Variants in CCDC198 observed in about 807,000 individuals in gnomAD.
CCDC198 encodes the protein coiled-coil domain containing 198, also known as factor associated with metabolism and energy.
In CCDC198, 18 loss-of-function variants were observed where a neutral mutation model predicts 35.6. The observed-to-expected ratio is 0.51, with a 90% CI of 0.35 to 0.75. The LOEUF is 0.75. CCDC198 is among the 30% of genes least tolerant of loss of function. The probability of loss-of-function intolerance (pLI) is 0.01; values close to 1 mark genes in which losing one functional copy is unlikely to be tolerated. For missense variants in CCDC198, 365 were observed against 343.7 expected (o/e 1.06, Z -0.49); for synonymous variants, 119 against 113.4 (o/e 1.05, Z -0.31).
Position 57,469,866 on chromosome 14 carries a change from T to C in CCDC198, c.*1489A>G, listed in dbSNP as rs1373924035. 2 of 152,216 alleles carry C rather than the reference T, an allele frequency of 1.3e-5. No homozygotes were observed. Among genetic ancestry groups the C allele is most frequent in the African/African-American group, 4.8e-5 (2 of 41,458 alleles). The allele number at this position is 152,216 out of a possible 1,614,324, so 9.4% of individuals were successfully genotyped here. On this transcript the variant is annotated 3_prime_UTR_variant, in exon 6 of 6. Coordinates refer to ENST00000216445, the MANE Select transcript of CCDC198 (RefSeq NM_018168.4). The stretch of plus-strand genomic sequence containing the variant: ...TTGAAGTGGTGTTTTCCTCTATTTT[T>C]TTCTGTTTTTGGAGTCTTCCCATAT...
At position 57,470,742 on chromosome 14, in the gene CCDC198, G is replaced by A. The variant is rs911617873; in HGVS notation, c.*613C>T. ...ACCACACTTTGGCACTCATGCCCTT[G>A]TGTAGTCCTCTTCTGCATTAACTCC... On this transcript the variant is annotated 3_prime_UTR_variant, in exon 6 of 6. Transcript: ENST00000216445. The A allele has an allele frequency of 6.6e-6, 1 of 152,324 alleles. No individual in the cohort carries two copies. Among genetic ancestry groups the A allele is most frequent in the African/African-American group, 2.4e-5 (1 of 41,474 alleles). 9.4% of individuals were successfully genotyped at this position (152,324 alleles called of 1,614,324 possible).
At chr14:57,488,155 T>G (rs1193778178) in intron 2 of CCDC198, among the ~76,000 whole-genome samples, 3 of 152,158 alleles carry the variant, frequency 2.0e-5, no homozygotes, top group Non-Finnish European at 4.4e-5. Context: ...TATTTCATTG[T>G]GTACCTGAAG....
chr14:57,471,184 A>G lies in CCDC198; in HGVS notation c.*171T>C. The stretch of plus-strand genomic sequence containing the variant: ...TTTTGAGGCATTTAGTTATGCAGCA[A>G]TAGTTAACAGCACATGTGACGGACT... On this transcript the variant is annotated 3_prime_UTR_variant, in exon 6 of 6. Transcript: ENST00000216445. 1.8e-6 allele frequency: 1 copy of G among 555,934 alleles called. No homozygotes were observed. 34.4% of individuals were successfully genotyped at this position (555,934 alleles called of 1,614,324 possible).
rs770816600 is a variant in CCDC198, at chr14:57,471,442, C to T, written c.804G>A (p.Gln268=). The change falls in exon 6 of 6, where the codon CAG becomes CAA. Residue 268 remains glutamine (Q), a synonymous_variant. Transcript: ENST00000216445. ...WDSSSSDSDE[Q]GKDEKKPRAL... ...CTCGTGGCTTCTTCTCATCTTTCCC[C>T]TGCTCATCTGAGTCAGAGCTGGAAC... The T allele has an allele frequency of 6.2e-7, 1 of 1,614,028 alleles. No homozygotes were observed. The highest frequency in any genetic ancestry group is 8.5e-7 in the Non-Finnish European group (1 of 1,179,978).
chr14:57,480,291 AAGATG>A lies in CCDC198; in HGVS notation c.655+299_655+303del, dbSNP rs1003951638. ...CATATGCTTCATTCTCTCTAACCAC[AAGATG>A]AGGCTATTTTGCCTTTTCTGCTTCT... On this transcript the variant is annotated intron_variant, in intron 5 of 5. Transcript: ENST00000216445. The A allele has an allele frequency of 4.1e-6, 4 of 985,448 alleles. No individual in the cohort carries two copies. In the African/African-American group the frequency reaches 7.0e-5, roughly 17 times the overall value. The allele number at this position is 985,448 out of a possible 1,614,324, so 61.0% of individuals were successfully genotyped here.
intron 5 of CCDC198, among the ~76,000 whole-genome samples, chr14:57,477,590 T>C (rs1455743909): frequency 6.6e-6 from 1 of 152,212 alleles, no homozygotes; most frequent in African/African-American, 2.4e-5. Context: ...CCATCTAAGT[T>C]TGGTTAATGT....
chr14:57,481,692 G>A, intron 3 of CCDC198, 32 bp from the exon 4 acceptor site: 1 of 1,385,040 alleles, frequency 7.2e-7, no homozygotes, highest in Non-Finnish European at 1.0e-6. Context: ...TTAGTATGGG[G>A]TAATTTGTTA....
intron 5 of CCDC198, among the ~76,000 whole-genome samples, chr14:57,477,486 T>TCA (rs138711664): frequency 0.28 from 41,853 of 150,876 alleles, 6,129 homozygotes; most frequent in African/African-American, 0.37. Flanking sequence ...CACGTGTATC[T>TCA]CACACACACA....
chr14:57,491,285 T>C (rs1247548261), intron 1 of CCDC198, among the ~76,000 whole-genome samples: 1 of 152,080 alleles, frequency 6.6e-6, no homozygotes, highest in East Asian at 1.9e-4. Context: ...CAGGATTTAA[T>C]ATCTGCTCTC....
In CCDC198 at chr14:57,470,196, T is replaced by C. The variant is rs1476298267; in HGVS notation, c.*1159A>G. The C allele has an allele frequency of 6.6e-6, 1 of 152,236 alleles. No homozygotes were observed. Among genetic ancestry groups the C allele is most frequent in the Non-Finnish European group, 1.5e-5 (1 of 68,040 alleles). The allele number at this position is 152,236 out of a possible 1,614,324, so 9.4% of individuals were successfully genotyped here. ...ACGTGACATTATCTCACGTGTATCC[T>C]GTAGGCTCTCTGTTACGGTTAGCTC... On this transcript the variant is annotated 3_prime_UTR_variant, in exon 6 of 6. Transcript: ENST00000216445.
intron 5 of CCDC198, chr14:57,480,392 T>G: frequency 4.9e-6 from 4 of 821,098 alleles, no homozygotes; most frequent in Non-Finnish European, 5.9e-6. Flanking sequence ...AGACATTTAA[T>G]TACCAAGCTT....
At chr14:57,478,230 A>C (rs372223646) in intron 5 of CCDC198, among the ~76,000 whole-genome samples, 6 of 152,238 alleles carry the variant, frequency 3.9e-5, no homozygotes, top group African/African-American at 1.4e-4. Flanking sequence ...AAGGACTCAC[A>C]ACCCCCACAT....
chr14:57,493,644 C>T lies in CCDC198; in HGVS notation c.72G>A (p.Glu24=), dbSNP rs151301596. The T allele has an allele frequency of 1.6e-5, 26 of 1,613,766 alleles. No individual in the cohort carries two copies. The Admixed American group carries it at 3.2e-4, about 20-fold the overall frequency. ...AGTCCACACGGCCAGCCGAGGGAGT[C>T]TCTACCTCTTTGTTTTGCAAAGGTG... ...KVAPLQNKEV[E]TPSAGRVDFA... is the part of the protein sequence containing the mutation. Residue 24 remains glutamate, a synonymous_variant, in exon 1 of 6, where the codon GAG becomes GAA. Coordinates refer to ENST00000216445, the MANE Select transcript of CCDC198 (RefSeq NM_018168.4).
At chr14:57,474,692 C>A (rs2066916076) in intron 5 of CCDC198, among the ~76,000 whole-genome samples, 1 of 152,132 alleles carries the variant, frequency 6.6e-6, no homozygotes, top group African/African-American at 2.4e-5. Flanking sequence ...TCATTTAATT[C>A]TCTGTGGTTT....
At chr14:57,476,405 G>A (rs978961836) in intron 5 of CCDC198, among the ~76,000 whole-genome samples, 3 of 152,100 alleles carry the variant, frequency 2.0e-5, no homozygotes, top group African/African-American at 7.2e-5. Flanking sequence ...TCAGGGAAGG[G>A]CTTTGAGGTC....
At chr14:57,478,366 A>T in intron 5 of CCDC198, 1 of 715,460 alleles carries the variant, frequency 1.4e-6, no homozygotes, top group Non-Finnish European at 1.7e-6. Flanking sequence ...TGGGGCGAAT[A>T]GTAGCTCCTA....
In CCDC198 at chr14:57,469,579, G is replaced by C. The variant is rs944070303; in HGVS notation, c.*1776C>G. On this transcript the variant is annotated 3_prime_UTR_variant, in exon 6 of 6. Coordinates refer to ENST00000216445, the MANE Select transcript of CCDC198 (RefSeq NM_018168.4). Reference sequence around the variant, plus strand: ...ACAATAAGTGAGGACACCATGAATAGGTTGGATTTGTTTATCCTCTCAAGG... The same window carrying C: ...ACAATAAGTGAGGACACCATGAATACGTTGGATTTGTTTATCCTCTCAAGG... 6.6e-6 allele frequency: 1 copy of C among 152,198 alleles called. No individual in the cohort carries two copies. Among genetic ancestry groups the C allele is most frequent in the Non-Finnish European group, 1.5e-5 (1 of 68,042 alleles). The allele number at this position is 152,198 out of a possible 1,614,324, so 9.4% of individuals were successfully genotyped here. A position where few individuals can be genotyped will look rare whatever the true frequency, so the allele number is the denominator to read the frequency against.
rs1366867858 is a variant in CCDC198, at chr14:57,469,928, A to G, written c.*1427T>C. 1 of 152,188 alleles carries G rather than the reference A, an allele frequency of 6.6e-6. No homozygotes were observed. The highest frequency in any genetic ancestry group is 2.4e-5 in the African/African-American group (1 of 41,456). The allele number at this position is 152,188 out of a possible 1,614,324, so 9.4% of individuals were successfully genotyped here. On this transcript the variant is annotated 3_prime_UTR_variant, in exon 6 of 6. Transcript: ENST00000216445. The stretch of plus-strand genomic sequence containing the variant: ...GGGTCTTTTTGTTTTGCTTTGTTTT[A>G]AAGCTTTAATAAATTCTTGGAAGAT...
At chr14:57,485,943 T>G (rs1371446851) in intron 2 of CCDC198, among the ~76,000 whole-genome samples, 1 of 152,180 alleles carries the variant, frequency 6.6e-6, no homozygotes, top group Non-Finnish European at 1.5e-5. Context: ...GGAGTTTGTC[T>G]GTTCCCTGAG....
Sources: gnomAD v4.1 joint callset for allele counts (sites outside exome capture counted in the v4.1 genomes callset) on GRCh38, gnomAD v4.1.1 for gene constraint, MANE v1.5 for transcripts, NCBI Gene and HGNC (gene_info 2026-07-23, HGNC 2026-07-21) for gene names.